MTMR3: variants seen among roughly 807,000 people sequenced by gnomAD.
MTMR3 encodes the protein phosphatidylinositol-3,5-bisphosphate 3-phosphatase MTMR3.
Under a neutral mutation model 132.4 loss-of-function variants are expected in MTMR3, and 32 were observed. That is an observed-to-expected ratio of 0.24 (90% CI 0.18 to 0.32). The LOEUF is 0.32. MTMR3 is among the 10% of genes least tolerant of loss of function. The pLI, the probability that MTMR3 is intolerant of heterozygous loss-of-function variation, is 1.00. For missense variants in MTMR3, 1,216 were observed against 1,489.6 expected, an observed-to-expected ratio of 0.82 and a Z score of 3.02; for synonymous variants, 556 against 550.3, an observed-to-expected ratio of 1.01 and a Z score of -0.14.
chr22:30,012,504 A>AC lies in MTMR3; in HGVS notation c.1264dup (p.Gln422ProfsTer7), dbSNP rs1569049307. ...ACACTGCTCAGATGGCTGGGACCGC[A>AC]CCCCCCAGATTGTGGCATTGGCTAA... On this transcript the variant is annotated frameshift_variant, in exon 13 of 20. Coordinates refer to ENST00000401950, the MANE Select transcript of MTMR3 (RefSeq NM_021090.4). LOFTEE classifies it high-confidence loss of function. The AC allele has an allele frequency of 6.2e-7, 1 of 1,613,490 alleles. No homozygotes were observed. Among genetic ancestry groups the AC allele is most frequent in the Admixed American group, 1.7e-5 (1 of 59,932 alleles).
chr22:29,988,595 A>C (rs769972146), intron 6 of MTMR3, 33 bp downstream of exon 6: 2 of 1,503,150 alleles, frequency 1.3e-6, no homozygotes, highest in South Asian at 2.4e-5. Context: ...GTTGCTGTTT[A>C]GTGTGGAAAA....
Position 29,978,589 on chromosome 22 carries a change from A to G in MTMR3, c.93+58A>G, listed in dbSNP as rs2066676175. Reference sequence around the variant, plus strand: ...TTATTTAGCATTAACTGTATAGCAGAGTTAATGGATTTAAGTGTAACGTAC... The same window carrying G: ...TTATTTAGCATTAACTGTATAGCAGGGTTAATGGATTTAAGTGTAACGTAC... On this transcript the variant is annotated intron_variant, in intron 4 of 19. Coordinates refer to ENST00000401950, the MANE Select transcript of MTMR3 (RefSeq NM_021090.4). 3 of 1,354,040 alleles carry G rather than the reference A, an allele frequency of 2.2e-6. No homozygotes were observed. In the Admixed American group the frequency reaches 5.3e-5, roughly 24 times the overall value. 83.9% of individuals were successfully genotyped at this position (1,354,040 alleles called of 1,614,324 possible). A position where few individuals can be genotyped will look rare whatever the true frequency, so the allele number is the denominator to read the frequency against.
At chr22:29,886,055 C>T (rs569256857) in intron 1 of MTMR3, among the ~76,000 whole-genome samples, 1 of 152,206 alleles carries the variant, frequency 6.6e-6, no homozygotes, top group Non-Finnish European at 1.5e-5. Context: ...CTGGTGTCCC[C>T]AGTATCCAGC....
intron 5 of MTMR3, chr22:29,980,282 G>A (rs938596886): frequency 6.6e-6 from 1 of 151,804 alleles, no homozygotes; most frequent in Non-Finnish European, 1.5e-5. Flanking sequence ...AAGCATTTAT[G>A]TCCAGGAGCA....
chr22:29,978,486 G>C lies in MTMR3; in HGVS notation c.48G>C (p.Gln16His). The C allele has an allele frequency of 6.2e-7, 1 of 1,613,854 alleles. No individual in the cohort carries two copies. The highest frequency in any genetic ancestry group is 8.5e-7 in the Non-Finnish European group (1 of 1,179,834). Residue 16 changes from glutamine to histidine, a missense_variant, in exon 4 of 20, where the codon CAG becomes CAC. By Grantham distance (24) the Gln-to-His change is conservative. Coordinates refer to ENST00000401950, the MANE Select transcript of MTMR3 (RefSeq NM_021090.4). ...RHSLECIQAN[Q>H]IFPRKQLIRE... ...GCCTTGAGTGCATCCAGGCCAATCA[G>C]ATCTTTCCCAGGAAGCAGCTGATCC...
At chr22:29,994,327 T>A (rs1310351110) in intron 7 of MTMR3, 2 of 183,648 alleles carry the variant, frequency 1.1e-5, no homozygotes, top group Non-Finnish European at 2.1e-5. Context: ...ATGTATGGCT[T>A]TTGCCTTTTA....
At chr22:30,021,981 G>C (rs1246378877) in intron 17 of MTMR3, 48 bp from the exon 18 acceptor site, 9 of 1,469,002 alleles carry the variant, frequency 6.1e-6, no homozygotes, top group Non-Finnish European at 7.6e-6. Context: ...TTCTTCTTTT[G>C]GGAGGAGACC....
intron 1 of MTMR3, among the ~76,000 whole-genome samples, chr22:29,892,240 C>T (rs964610960): frequency 1.3e-5 from 2 of 151,932 alleles, no homozygotes; most frequent in African/African-American, 4.8e-5. Flanking sequence ...ATACTTTTTG[C>T]ATTGTTGAGG....
At chr22:29,930,564 T>C (rs769135912) in intron 1 of MTMR3, among the ~76,000 whole-genome samples, 20 of 151,832 alleles carry the variant, frequency 1.3e-4, no homozygotes, top group Admixed American at 2.6e-4. Flanking sequence ...TGGTGGCACA[T>C]GTGTGTAGTC....
intron 2 of MTMR3, among the ~76,000 whole-genome samples, 172 bp downstream of exon 2, chr22:29,957,260 A>ATTTTTTTTTT (rs148686689): frequency 6.9e-6 from 1 of 144,632 alleles, no homozygotes. Flanking sequence ...CTTACATGTG[A>ATTTTTTTTTT]TTATTTTTTT....
At chr22:29,903,391 T>C (rs2063714529) in intron 1 of MTMR3, among the ~76,000 whole-genome samples, 2 of 10,962 alleles carry the variant, frequency 1.8e-4, no homozygotes, top group African/African-American at 2.5e-4. Context: ...TTTTTCTTTC[T>C]TTTTTTTTTT....
rs1213153176 is a variant in MTMR3 at position 30,012,268 on chromosome 22, A to G, written c.1122-100A>G. On this transcript the variant is annotated intron_variant, in intron 12 of 19. Transcript: ENST00000401950. ...TTTTGGCAGTGTTATATTTGGAGAG[A>G]GAAATCTTTGGAAATTGCTTTTTCA... 1.5e-5 allele frequency: 20 copies of G among 1,311,886 alleles called. 1 individual carries two copies. Among genetic ancestry groups the G allele is most frequent in the Non-Finnish European group, 2.0e-5 (19 of 948,964 alleles). 81.3% of individuals were successfully genotyped at this position (1,311,886 alleles called of 1,614,324 possible).
chr22:29,963,353 G>A (rs746309790), intron 2 of MTMR3, among the ~76,000 whole-genome samples: 18 of 151,248 alleles, frequency 1.2e-4, no homozygotes, highest in Non-Finnish European at 2.2e-4. Context: ...AAAGTGTTGG[G>A]ATTATAGGCA....
chr22:29,958,021 G>C (rs1466931992), intron 2 of MTMR3, among the ~76,000 whole-genome samples: 1 of 152,080 alleles, frequency 6.6e-6, no homozygotes, highest in Non-Finnish European at 1.5e-5. Context: ...GTAGTTTTCA[G>C]TACTACCTGT....
At chr22:29,998,465 A>G (rs1303384977) in intron 7 of MTMR3, 1 of 169,288 alleles carries the variant, frequency 5.9e-6, no homozygotes, top group Non-Finnish European at 1.3e-5. Flanking sequence ...CCATGTGGTA[A>G]AACCCCATCT....
chr22:29,959,705 C>A (rs1407584332), intron 2 of MTMR3, among the ~76,000 whole-genome samples: 2 of 151,260 alleles, frequency 1.3e-5, no homozygotes, highest in Non-Finnish European at 2.9e-5. Context: ...TTACTTGGCT[C>A]TGTAGCATTT....
intron 13 of MTMR3, 57 bp downstream of exon 13, chr22:30,012,620 C>G: frequency 6.7e-7 from 1 of 1,491,240 alleles, no homozygotes; most frequent in East Asian, 2.3e-5. Flanking sequence ...GGAAACGTCT[C>G]AGGAGTGATA....
rs531599851 is a variant in MTMR3 at position 29,954,966 on chromosome 22, CT to C, written c.-137-2063del. On this transcript the variant is annotated intron_variant, in intron 1 of 19. Coordinates refer to ENST00000401950, the MANE Select transcript of MTMR3 (RefSeq NM_021090.4). ...TATTTTTAACAACTTGCTCTGCTTC[CT>C]TTTTTTCCATTATTTTGTTGGTTGT... is the stretch of plus-strand genomic sequence containing the variant. 6.7e-3 allele frequency among the ~76,000 whole-genome samples: 1,020 copies of C among 152,212 alleles called. 17 individuals carry two copies. Among genetic ancestry groups the C allele is most frequent in the African/African-American group, 0.024 (981 of 41,528 alleles).
intron 2 of MTMR3, 25 bp from the exon 3 acceptor site, chr22:29,970,951 T>TTCCCCCCTTCCCCCCCC: frequency 1.5e-6 from 1 of 680,378 alleles, no homozygotes; most frequent in Admixed American, 3.2e-5. Context: ...TTTTTCTTCT[T>TTCCCCCCTTCCCCCCCC]CCCCCTCTTC....
Sources: gnomAD v4.1 joint callset for allele counts (sites outside exome capture counted in the v4.1 genomes callset) on GRCh38, gnomAD v4.1.1 for gene constraint, MANE v1.5 for transcripts, NCBI Gene and HGNC (gene_info 2026-07-23, HGNC 2026-07-21) for gene names.